Variants in ZNF619 observed in about 807,000 individuals in gnomAD.
The protein encoded by ZNF619 is zinc finger protein 619.
Under a neutral mutation model 14.2 loss-of-function variants are expected in ZNF619, and 9 were observed. That is an observed-to-expected ratio of 0.64 (90% confidence interval 0.38 to 1.11). ZNF619 has a LOEUF of 1.11. Ranked by LOEUF, ZNF619 falls within the 50% of genes least tolerant of loss-of-function variation. The pLI, the probability that ZNF619 is intolerant of heterozygous loss-of-function variation, is 0.01. For missense variants in ZNF619, 659 were observed against 680.1 expected, an observed-to-expected ratio of 0.97 and a Z score of 0.34; for synonymous variants, 246 against 252.8, an observed-to-expected ratio of 0.97 and a Z score of 0.26.
chr3:40,490,118 G>T lies in ZNF619; in HGVS notation c.*1877G>T, dbSNP rs1350429870. On this transcript the variant is annotated 3_prime_UTR_variant, in exon 5 of 5. Transcript: ENST00000432264. Reference sequence around the variant, plus strand: ...ACATGCTTGCTCTGTCTTGCCTTTTGATGCCTCCTGCCATGTCATGATGCA... The same window carrying T: ...ACATGCTTGCTCTGTCTTGCCTTTTTATGCCTCCTGCCATGTCATGATGCA... 1 of 152,174 alleles carries T rather than the reference G, an allele frequency of 6.6e-6. No individual in the cohort carries two copies. The highest frequency in any genetic ancestry group is 2.4e-5 in the African/African-American group (1 of 41,436). 9.4% of individuals were successfully genotyped at this position (152,174 alleles called of 1,614,324 possible). A position where few individuals can be genotyped will look rare whatever the true frequency, so the allele number is the denominator to read the frequency against.
intron 2 of ZNF619, 119 bp downstream of exon 2, chr3:40,478,122 TA>T: frequency 1.0e-6 from 1 of 959,912 alleles, no homozygotes; most frequent in Non-Finnish European, 1.6e-6. Context: ...ATAAAGTATG[TA>T]AAAACAGTAT....
At chr3:40,482,250 C>T in intron 3 of ZNF619, 1 of 1,551,854 alleles carries the variant, frequency 6.4e-7, no homozygotes. Context: ...AGGGGGCTTT[C>T]CTCTGGATAC....
intron 2 of ZNF619, among the ~76,000 whole-genome samples, chr3:40,479,867 C>T (rs562083398): frequency 1.3e-5 from 2 of 152,312 alleles, no homozygotes; most frequent in Non-Finnish European, 2.9e-5. Flanking sequence ...CACATAGTCT[C>T]TGGGGGACAG....
rs1295569545 is a variant in ZNF619, at chr3:40,490,988, C to A, written c.*2747C>A. The stretch of plus-strand genomic sequence containing the variant: ...TATGACACAGCAAGAAGGCCAGATA[C>A]GGCCCCTCCACAGTTCCCAGCCCTC... On this transcript the variant is annotated 3_prime_UTR_variant, in exon 5 of 5. Transcript: ENST00000432264. 2.0e-5 allele frequency among the ~76,000 whole-genome samples: 3 copies of A among 152,142 alleles called. No individual in the cohort carries two copies. The highest frequency in any genetic ancestry group is 2.0e-4 in the Admixed American group (3 of 15,272).
intron 2 of ZNF619, among the ~76,000 whole-genome samples, chr3:40,478,236 GA>G (rs1697265232): frequency 6.6e-6 from 1 of 152,172 alleles, no homozygotes; most frequent in South Asian, 2.1e-4. Context: ...GCATTCATGA[GA>G]ACTGAAAGTG....
In ZNF619 at chr3:40,486,826, A is replaced by G. The variant is rs1371979090; in HGVS notation, c.316A>G (p.Asn106Asp). ...MCTGGKTKTE[N>D]EEKTAQLNIS... ...GCTAGGTGGTAAAACCAAGACTGAG[A>G]ATGAGGAAAAAACTGCACAGCTAAA... The change falls in exon 5 of 5, where the codon AAT becomes GAT. Residue 106 changes from asparagine to aspartate, a missense_variant. Physicochemically the swap from Asn to Asp is conservative, Grantham distance 23 (BLOSUM62 1). Transcript: ENST00000432264. 1 of 1,599,636 alleles carries G rather than the reference A, an allele frequency of 6.3e-7. No individual in the cohort carries two copies. Among genetic ancestry groups the G allele is most frequent in the Non-Finnish European group, 8.5e-7 (1 of 1,175,108 alleles).
intron 4 of ZNF619, among the ~76,000 whole-genome samples, chr3:40,485,470 T>C (rs979679515): frequency 1.3e-5 from 2 of 152,008 alleles, no homozygotes; most frequent in African/African-American, 4.8e-5. Context: ...TCCGGCTAAT[T>C]TTTTGTATTT....
At chr3:40,478,336 C>G (rs987554619) in intron 2 of ZNF619, among the ~76,000 whole-genome samples, 1 of 152,040 alleles carries the variant, frequency 6.6e-6, no homozygotes, top group African/African-American at 2.4e-5. Flanking sequence ...AAATCAGAAT[C>G]TACATTTTTA....
rs1231630969 is a variant in ZNF619, at chr3:40,489,896, G to C, written c.*1655G>C. On this transcript the variant is annotated 3_prime_UTR_variant, in exon 5 of 5. Coordinates refer to ENST00000432264, the MANE Select transcript of ZNF619 (RefSeq NM_001145093.4). ...TAAAGAACTGTTTTGATGACACCAAGAAATGTTTTCAGTGTGCAGATTGCT... is the reference window on the plus strand; with the variant it reads ...TAAAGAACTGTTTTGATGACACCAACAAATGTTTTCAGTGTGCAGATTGCT... The C allele has an allele frequency of 6.6e-6, 1 of 152,182 alleles. No homozygotes were observed. The highest frequency in any genetic ancestry group is 1.5e-5 in the Non-Finnish European group (1 of 68,042). The allele number at this position is 152,182 out of a possible 1,614,324, so 9.4% of individuals were successfully genotyped here. A position where few individuals can be genotyped will look rare whatever the true frequency, so the allele number is the denominator to read the frequency against.
Position 40,487,694 on chromosome 3 carries a change from C to T in ZNF619, c.1184C>T (p.Thr395Ile), listed in dbSNP as rs1697657263. 1.9e-6 allele frequency: 3 copies of T among 1,614,114 alleles called. No homozygotes were observed. Among genetic ancestry groups the T allele is most frequent in the Non-Finnish European group, 1.7e-6 (2 of 1,180,024 alleles). The change falls in exon 5 of 5, where the codon ACT (threonine) becomes ATT (isoleucine). Residue 395 changes from threonine (T) to isoleucine (I), a missense_variant. Transcript: ENST00000432264. The part of the protein sequence containing the change: ...SVFLQHQRFH[T>I]GEQLYKCNEC... ...TTTCTTCAGCACCAGAGGTTCCACA[C>T]TGGGGAACAACTCTACAAATGTAAT...
intron 2 of ZNF619, 50 bp downstream of exon 2, chr3:40,478,053 GTC>G: frequency 1.3e-6 from 2 of 1,529,160 alleles, no homozygotes; most frequent in Non-Finnish European, 1.8e-6. Flanking sequence ...GATATGGAAG[GTC>G]AGTACAGCCC....
intron 2 of ZNF619, among the ~76,000 whole-genome samples, chr3:40,480,624 G>A (rs144025488): frequency 0.014 from 2,132 of 151,044 alleles, 50 homozygotes; most frequent in African/African-American, 0.048. Context: ...TCAGCCTCCC[G>A]AGTAGCTGGG....
chr3:40,481,556 C>CG (rs1313729235), intron 2 of ZNF619, among the ~76,000 whole-genome samples: 1 of 152,136 alleles, frequency 6.6e-6, no homozygotes, highest in African/African-American at 2.4e-5. Context: ...GGGTGAAAGA[C>CG]GGTTACCTGC....
rs1380162516 is a variant in ZNF619 at position 40,489,463 on chromosome 3, G to T, written c.*1222G>T. 1 of 152,408 alleles carries T rather than the reference G, an allele frequency of 6.6e-6. No individual in the cohort carries two copies. Among genetic ancestry groups the T allele is most frequent in the Non-Finnish European group, 1.5e-5 (1 of 68,636 alleles). 9.4% of individuals were successfully genotyped at this position (152,408 alleles called of 1,614,324 possible). ...GAGTTTTGCCATGTTGCCCAGGCTGGTCTCAAAACTCCTGGACTCAAATGA... is the reference window on the plus strand; with the variant it reads ...GAGTTTTGCCATGTTGCCCAGGCTGTTCTCAAAACTCCTGGACTCAAATGA... On this transcript the variant is annotated 3_prime_UTR_variant, in exon 5 of 5. Coordinates refer to ENST00000432264, the MANE Select transcript of ZNF619 (RefSeq NM_001145093.4).
At chr3:40,478,969 C>T (rs1697292303) in intron 2 of ZNF619, among the ~76,000 whole-genome samples, 1 of 152,052 alleles carries the variant, frequency 6.6e-6, no homozygotes, top group Non-Finnish European at 1.5e-5. Flanking sequence ...GATTAGATTC[C>T]CCAAAGAGGA....
At chr3:40,485,505 G>A (rs1365929788) in intron 4 of ZNF619, among the ~76,000 whole-genome samples, 1 of 152,140 alleles carries the variant, frequency 6.6e-6, no homozygotes, top group Admixed American at 6.5e-5. Context: ...GTTTTGCCAT[G>A]TTGGCCAGGC....
At chr3:40,482,433 A>G in intron 3 of ZNF619, 155 bp from the exon 4 acceptor site, 1 of 1,595,148 alleles carries the variant, frequency 6.3e-7, no homozygotes, top group Non-Finnish European at 8.6e-7. Flanking sequence ...GTAAGCTTCA[A>G]GCCCTTCCTT....
In ZNF619 at chr3:40,477,933, C is replaced by T. The variant is rs764143519; in HGVS notation, c.-47C>T. Reference sequence around the variant, plus strand: ...TCTCTCTTAGCTCCGCAGGTTCTTACTTTTTCAAACCTAGAGGGCAGTGCA... The same window carrying T: ...TCTCTCTTAGCTCCGCAGGTTCTTATTTTTTCAAACCTAGAGGGCAGTGCA... On this transcript the variant is annotated 5_prime_UTR_variant, in exon 2 of 5. Coordinates refer to ENST00000432264, the MANE Select transcript of ZNF619 (RefSeq NM_001145093.4). 1.3e-6 allele frequency: 2 copies of T among 1,551,336 alleles called. No individual in the cohort carries two copies. Among genetic ancestry groups the T allele is most frequent in the African/African-American group, 1.4e-5 (1 of 72,960 alleles).
At chr3:40,484,829 T>C (rs1312909588) in intron 4 of ZNF619, among the ~76,000 whole-genome samples, 1 of 152,250 alleles carries the variant, frequency 6.6e-6, no homozygotes, top group African/African-American at 2.4e-5. Context: ...TTTTGTAGTT[T>C]ATAGATTAGT....
Sources: gnomAD v4.1 joint callset for allele counts (sites outside exome capture counted in the v4.1 genomes callset) on GRCh38, gnomAD v4.1.1 for gene constraint, MANE v1.5 for transcripts, NCBI Gene and HGNC (gene_info 2026-07-23, HGNC 2026-07-21) for gene names.